Variants in ARHGAP24 observed in about 807,000 individuals in gnomAD.
ARHGAP24 encodes rho GTPase-activating protein 24.
In ARHGAP24, 50 loss-of-function variants were observed where a neutral mutation model predicts 76.4. The ratio of observed to expected loss-of-function variants is 0.65; its 90% CI spans 0.52 to 0.83. The LOEUF is 0.83. Among genes scored for constraint, ARHGAP24 ranks in the 40% least tolerant of loss-of-function variants. ARHGAP24 has a pLI of 0.00. For missense variants in ARHGAP24, 930 were observed against 914.2 expected, an observed-to-expected ratio of 1.02 and a Z score of -0.22; for synonymous variants, 345 against 323.3, an observed-to-expected ratio of 1.07 and a Z score of -0.72.
intron 3 of ARHGAP24, chr4:85,778,863 C>CT (rs1386998284): frequency 2.0e-6 from 2 of 985,292 alleles, no homozygotes; most frequent in Non-Finnish European, 2.4e-6. Flanking sequence ...AAGCTCTGTA[C>CT]TTTTTTGCCA....
chr4:85,591,202 T>A (rs989923507), intron 2 of ARHGAP24, among the ~76,000 whole-genome samples: 1 of 151,968 alleles, frequency 6.6e-6, no homozygotes, highest in African/African-American at 2.4e-5. Context: ...GGCGCCACCA[T>A]GCCTGGCTAA....
intron 3 of ARHGAP24, among the ~76,000 whole-genome samples, chr4:85,804,254 G>T (rs1001394172): frequency 6.6e-6 from 1 of 152,122 alleles, no homozygotes; most frequent in African/African-American, 2.4e-5. Context: ...GGACCAACTA[G>T]AGGTCTAATT....
In ARHGAP24 at chr4:85,611,461, G is replaced by T. The variant is rs1303189013; in HGVS notation, c.180+40740G>T. Among the ~76,000 whole-genome samples the T allele has an allele frequency of 2.0e-5, 3 of 152,140 alleles. No homozygotes were observed. The East Asian group carries it at 5.8e-4, about 29-fold the overall frequency. On this transcript the variant is annotated intron_variant, in intron 2 of 9. Transcript: ENST00000395184. ...TGACAATTATCCACTTAAGAAAAATGACAGCTTTAAAAAAGTGTCTGAATT... is the reference window on the plus strand; with the variant it reads ...TGACAATTATCCACTTAAGAAAAATTACAGCTTTAAAAAAGTGTCTGAATT...
chr4:85,850,967 C>T (rs345337), intron 3 of ARHGAP24, among the ~76,000 whole-genome samples: 1 of 152,002 alleles, frequency 6.6e-6, no homozygotes, highest in African/African-American at 2.4e-5. Flanking sequence ...TATTAGGTCC[C>T]CTTGGTGCAG....
At chr4:85,969,922 G>A (rs188983855) in intron 5 of ARHGAP24, among the ~76,000 whole-genome samples, 2 of 152,104 alleles carry the variant, frequency 1.3e-5, no homozygotes, top group Non-Finnish European at 2.9e-5. Flanking sequence ...CTTCTATAGT[G>A]TTTATCAGTT....
chr4:85,511,856 T>C (rs1478141446), intron 1 of ARHGAP24, among the ~76,000 whole-genome samples: 4 of 152,200 alleles, frequency 2.6e-5, no homozygotes, highest in African/African-American at 9.6e-5. Flanking sequence ...GGGGGAATCC[T>C]TCCTTTCCTC....
At chr4:85,641,310 A>G (rs929256186) in intron 2 of ARHGAP24, among the ~76,000 whole-genome samples, 1 of 152,174 alleles carries the variant, frequency 6.6e-6, no homozygotes, top group African/African-American at 2.4e-5. Context: ...AATGCAAAAG[A>G]TGAGCTATTT....
At chr4:85,619,266 A>G (rs912975780) in intron 2 of ARHGAP24, among the ~76,000 whole-genome samples, 2 of 151,898 alleles carry the variant, frequency 1.3e-5, no homozygotes, top group African/African-American at 2.4e-5. Flanking sequence ...TGAAATACCA[A>G]TTGACTATAA....
At chr4:85,941,083 C>T (rs1560733376) in intron 4 of ARHGAP24, among the ~76,000 whole-genome samples, 1 of 152,162 alleles carries the variant, frequency 6.6e-6, no homozygotes, top group Non-Finnish European at 1.5e-5. Flanking sequence ...AAACTCAGAC[C>T]ATTAAAATAA....
intron 3 of ARHGAP24, among the ~76,000 whole-genome samples, chr4:85,898,602 T>G (rs1734326028): frequency 6.6e-6 from 1 of 152,196 alleles, no homozygotes; most frequent in Non-Finnish European, 1.5e-5. Context: ...TGACGCACTT[T>G]CAAACAACAT....
intron 2 of ARHGAP24, among the ~76,000 whole-genome samples, chr4:85,683,179 C>T (rs200908280): frequency 1.4e-4 from 10 of 73,998 alleles, no homozygotes; most frequent in Admixed American, 4.2e-4. Flanking sequence ...TTGATAATAA[C>T]AAAAACATGG....
chr4:85,646,820 T>G (rs1721739675), intron 2 of ARHGAP24, among the ~76,000 whole-genome samples: 1 of 152,120 alleles, frequency 6.6e-6, no homozygotes, highest in Non-Finnish European at 1.5e-5. Context: ...TTTTTGAAAG[T>G]GTACTCCTTA....
chr4:85,873,854 G>C (rs1434533697), intron 3 of ARHGAP24, among the ~76,000 whole-genome samples: 1 of 152,110 alleles, frequency 6.6e-6, no homozygotes, highest in Non-Finnish European at 1.5e-5. Context: ...AAACATTTTT[G>C]ATTGTGCTAC....
intron 1 of ARHGAP24, among the ~76,000 whole-genome samples, chr4:85,504,896 C>A (rs901293867): frequency 6.6e-6 from 1 of 152,126 alleles, no homozygotes; most frequent in Admixed American, 6.5e-5. Flanking sequence ...CTTTCAGGAG[C>A]TCTTTTAGGG....
At chr4:85,671,187 C>T (rs1722804248) in intron 2 of ARHGAP24, among the ~76,000 whole-genome samples, 1 of 152,034 alleles carries the variant, frequency 6.6e-6, no homozygotes, top group Non-Finnish European at 1.5e-5. Flanking sequence ...TGCCTCGGTG[C>T]CTTTACACTA....
intron 2 of ARHGAP24, among the ~76,000 whole-genome samples, chr4:85,643,208 T>G (rs944761570): frequency 1.5e-5 from 2 of 130,246 alleles, no homozygotes; most frequent in African/African-American, 5.2e-5. Flanking sequence ...GGTTCTACTT[T>G]TCTTTTTTAT....
chr4:85,475,670 CGGGGAGGGGGCTGCG>C, intron 1 of ARHGAP24, 111 bp downstream of exon 1: 1 of 11,142 alleles, frequency 9.0e-5, no homozygotes, highest in South Asian at 6.2e-3. Context: ...CTGCGGGGGG[CGGGGAGGGGGCTGCG>C]GGGGGCGGGG....
intron 5 of ARHGAP24, among the ~76,000 whole-genome samples, chr4:85,957,857 CT>C (rs1306685299): frequency 3.9e-5 from 6 of 152,174 alleles, no homozygotes; most frequent in African/African-American, 1.4e-4. Context: ...AGGGTGTAAA[CT>C]AGAAATCTGT....
intron 1 of ARHGAP24, among the ~76,000 whole-genome samples, chr4:85,566,425 TCA>T (rs1726848023): frequency 6.6e-6 from 1 of 152,244 alleles, no homozygotes; most frequent in Non-Finnish European, 1.5e-5. Context: ...TCAGGTTCTT[TCA>T]AGTGTAATGA....
Sources: gnomAD v4.1 joint callset for allele counts (sites outside exome capture counted in the v4.1 genomes callset) on GRCh38, gnomAD v4.1.1 for gene constraint, MANE v1.5 for transcripts, NCBI Gene and HGNC (gene_info 2026-07-23, HGNC 2026-07-21) for gene names.